AADACL2: variants seen among roughly 807,000 people sequenced by gnomAD.
The protein encoded by AADACL2 is arylacetamide deacetylase like 2.
Under a neutral mutation model 22.3 loss-of-function variants are expected in AADACL2, and 23 were observed. The ratio of observed to expected loss-of-function variants is 1.03; its 90% CI spans 0.74 to 1.46. The LOEUF is 1.46. AADACL2 is among the 40% of genes most tolerant of loss of function. The probability of loss-of-function intolerance (pLI) is 0.00; values close to 1 mark genes in which losing one functional copy is unlikely to be tolerated. For missense variants in AADACL2, 472 were observed against 482.9 expected (o/e 0.98, Z 0.21); for synonymous variants, 177 against 166.2 (o/e 1.07, Z -0.50).
At chr3:151,743,977 G>C in intron 2 of AADACL2, 116 bp from the exon 3 acceptor site, 1 of 1,038,280 alleles carries the variant, frequency 9.6e-7, no homozygotes, top group Non-Finnish European at 1.4e-6. Context: ...ATGGGGGGTG[G>C]AAATAAAAGC....
At chr3:151,739,527 G>C (rs1713206958) in intron 1 of AADACL2, among the ~76,000 whole-genome samples, 1 of 152,208 alleles carries the variant, frequency 6.6e-6, no homozygotes, top group Admixed American at 6.5e-5. Flanking sequence ...CAAGCACTGT[G>C]CTGGGAGAAT....
intron 4 of AADACL2, among the ~76,000 whole-genome samples, chr3:151,750,383 G>T (rs536767307): frequency 1.3e-5 from 2 of 152,164 alleles, no homozygotes; most frequent in South Asian, 4.2e-4. Context: ...GTGCATCCAG[G>T]TTCCTAAGTT....
chr3:151,744,718 A>C (rs917970643), intron 3 of AADACL2, among the ~76,000 whole-genome samples: 1 of 152,164 alleles, frequency 6.6e-6, no homozygotes, highest in Admixed American at 6.6e-5. Flanking sequence ...CTAAGCTACA[A>C]ATTACTTAGA....
At chr3:151,738,260 G>T (rs1480825155) in intron 1 of AADACL2, among the ~76,000 whole-genome samples, 3 of 152,112 alleles carry the variant, frequency 2.0e-5, no homozygotes, top group African/African-American at 7.2e-5. Flanking sequence ...ACGAAGCTTA[G>T]TTTGGCTGGA....
At chr3:151,753,387 A>AGAG (rs1713747223) in intron 4 of AADACL2, among the ~76,000 whole-genome samples, 1 of 152,174 alleles carries the variant, frequency 6.6e-6, no homozygotes, top group African/African-American at 2.4e-5. Flanking sequence ...TGCAAGGAGG[A>AGAG]GAGCAGGTTG....
At chr3:151,748,337 A>G (rs1225768951) in intron 4 of AADACL2, among the ~76,000 whole-genome samples, 1 of 152,156 alleles carries the variant, frequency 6.6e-6, no homozygotes, top group Non-Finnish European at 1.5e-5. Flanking sequence ...GCATGTGGAT[A>G]TATGAGAATT....
At chr3:151,739,650 T>C (rs761190038) in intron 1 of AADACL2, among the ~76,000 whole-genome samples, 4 of 152,194 alleles carry the variant, frequency 2.6e-5, no homozygotes, top group Non-Finnish European at 5.9e-5. Context: ...CTCAGGAAGA[T>C]GGGAGTTTTA....
chr3:151,757,195 C>A lies in AADACL2; in HGVS notation c.807C>A (p.His269Gln). Residue 269 changes from histidine (H) to glutamine (Q), a missense_variant, in exon 5 of 5, where the codon CAC becomes CAA. Physicochemically the swap from His to Gln is conservative, Grantham distance 24. Around this residue, in one of 3 missense-constraint regions of AADACL2, gnomAD observed 356 missense variants for 365.5 expected, o/e 0.97. Transcript: ENST00000356517. Reference sequence around the variant, plus strand: ...CCTGGGCAATGAGAAGAAACCAACACATGCCTCTGGAGTCAAGACATCTGT... The same window carrying A: ...CCTGGGCAATGAGAAGAAACCAACAAATGCCTCTGGAGTCAAGACATCTGT... ...ALPWAMRRNQ[H>Q]MPLESRHLFK... The A allele has an allele frequency of 6.2e-7, 1 of 1,613,630 alleles. No homozygotes were observed. The highest frequency in any genetic ancestry group is 1.1e-5 in the South Asian group (1 of 91,050).
At chr3:151,746,566 T>A (rs1216877088) in intron 4 of AADACL2, among the ~76,000 whole-genome samples, 2 of 151,986 alleles carry the variant, frequency 1.3e-5, no homozygotes, top group African/African-American at 4.8e-5. Context: ...ATAAATATAG[T>A]ATTAACTGAA....
chr3:151,753,443 A>G (rs1344296954), intron 4 of AADACL2, among the ~76,000 whole-genome samples: 1 of 152,144 alleles, frequency 6.6e-6, no homozygotes, highest in African/African-American at 2.4e-5. Context: ...AGTTTCCAGC[A>G]TGGTTGGAAC....
At chr3:151,740,067 C>A (rs1218845276) in intron 1 of AADACL2, among the ~76,000 whole-genome samples, 1 of 152,250 alleles carries the variant, frequency 6.6e-6, no homozygotes, top group Non-Finnish European at 1.5e-5. Context: ...ACAAAAGAAA[C>A]TCCTGCAGCT....
chr3:151,738,703 G>T (rs2084431), intron 1 of AADACL2, among the ~76,000 whole-genome samples: 48,718 of 151,864 alleles, frequency 0.32, 8,134 homozygotes, highest in East Asian at 0.55. Context: ...TTTTCTTTCT[G>T]TTTTTCTCTA....
intron 4 of AADACL2, among the ~76,000 whole-genome samples, chr3:151,756,757 T>C (rs1392472160): frequency 2.0e-5 from 3 of 151,790 alleles, no homozygotes; most frequent in Non-Finnish European, 2.9e-5. Context: ...TCCTCTCTTA[T>C]ACTTTCTCCT....
At position 151,757,241 on chromosome 3, in the gene AADACL2, ATTC is replaced by A; in HGVS notation, c.860_862del (p.Leu287del). The A allele has an allele frequency of 1.2e-6, 2 of 1,613,748 alleles. No homozygotes were observed. Among genetic ancestry groups the A allele is most frequent in the Non-Finnish European group, 1.7e-6 (2 of 1,179,718 alleles). ...TCTGTTTAAGTTTGTTAACTGGAGT[ATTC>A]TTCTTCCTGAGAAGTATAGAAAAGA... On this transcript the variant is annotated inframe_deletion, in exon 5 of 5. Transcript: ENST00000356517.
At chr3:151,742,907 G>A (rs988318263) in intron 2 of AADACL2, among the ~76,000 whole-genome samples, 1 of 152,084 alleles carries the variant, frequency 6.6e-6, no homozygotes, top group African/African-American at 2.4e-5. Context: ...AGGGATGCCA[G>A]CTGATTCTCC....
intron 2 of AADACL2, among the ~76,000 whole-genome samples, chr3:151,743,100 C>T (rs919525852): frequency 9.9e-5 from 15 of 152,064 alleles, no homozygotes; most frequent in African/African-American, 7.2e-5. Flanking sequence ...AGGTCTTGTA[C>T]ATTTTGGTCT....
rs1460699772 is a variant in AADACL2 at position 151,761,324 on chromosome 3, TG to T, written c.*3732del. ...AAAGTAAATAAAGGCCTTGTGCCATTGGTGGTGTTCTGAAAGGAAGAGTCCA... is the reference window on the plus strand; with the variant it reads ...AAAGTAAATAAAGGCCTTGTGCCATTGTGGTGTTCTGAAAGGAAGAGTCCA... On this transcript the variant is annotated 3_prime_UTR_variant, in exon 5 of 5. Transcript: ENST00000356517. 1 of 160,886 alleles carries T rather than the reference TG, an allele frequency of 6.2e-6. No homozygotes were observed. The highest frequency in any genetic ancestry group is 2.4e-5 in the African/African-American group (1 of 41,070). 10.0% of individuals were successfully genotyped at this position (160,886 alleles called of 1,614,324 possible). A position where few individuals can be genotyped will look rare whatever the true frequency, so the allele number is the denominator to read the frequency against.
intron 3 of AADACL2, among the ~76,000 whole-genome samples, 158 bp downstream of exon 3, chr3:151,744,320 T>C (rs1713373574): frequency 6.6e-6 from 1 of 152,124 alleles, no homozygotes. Flanking sequence ...AGAGGTTCAG[T>C]GTCCCATTAT....
At position 151,759,984 on chromosome 3, in the gene AADACL2, T is replaced by C. The variant is rs1350672624; in HGVS notation, c.*2390T>C. 6.6e-6 allele frequency: 1 copy of C among 152,190 alleles called. No individual in the cohort carries two copies. Among genetic ancestry groups the C allele is most frequent in the Non-Finnish European group, 1.5e-5 (1 of 68,020 alleles). 9.4% of individuals were successfully genotyped at this position (152,190 alleles called of 1,614,324 possible). ...TAATTGTACATATTCATGGGATACATAGTGACGTTTCAATACATATCATGT... is the reference window on the plus strand; with the variant it reads ...TAATTGTACATATTCATGGGATACACAGTGACGTTTCAATACATATCATGT... On this transcript the variant is annotated 3_prime_UTR_variant, in exon 5 of 5. Coordinates refer to ENST00000356517, the MANE Select transcript of AADACL2 (RefSeq NM_207365.4).
Sources: gnomAD v4.1 joint callset for allele counts (sites outside exome capture counted in the v4.1 genomes callset) on GRCh38, gnomAD v4.1.1 for gene constraint, gnomAD v4.1.1 regional missense constraint, MANE v1.5 for transcripts, NCBI Gene and HGNC (gene_info 2026-07-23, HGNC 2026-07-21) for gene names.